NLGN4X: variants seen among roughly 807,000 people sequenced by gnomAD.
NLGN4X encodes the protein neuroligin-4, X-linked.
Under a neutral mutation model 40.3 loss-of-function variants are expected in NLGN4X, and 3 were observed. The observed-to-expected ratio is 0.07, with a 90% CI of 0.03 to 0.19. The LOEUF (loss-of-function observed/expected upper bound fraction) is 0.19, where lower values mean the gene tolerates loss of function less well. NLGN4X is among the 10% of genes least tolerant of loss of function. The pLI, the probability that NLGN4X is intolerant of heterozygous loss-of-function variation, is 1.00. For synonymous variants in NLGN4X, 270 were observed against 306.8 expected (o/e 0.88, Z 1.25); for missense variants, 382 against 708.3 (o/e 0.54, Z 5.23).
chrX:5,928,310 G>C (rs1423923059), intron 3 of NLGN4X, among the ~76,000 whole-genome samples: 1 of 111,890 alleles, frequency 8.9e-6, no homozygotes, highest in African/African-American at 3.2e-5. Flanking sequence ...ATAGTCTTTT[G>C]AACTCTGTGT....
intron 3 of NLGN4X, among the ~76,000 whole-genome samples, chrX:5,941,941 T>C (rs1476441859): frequency 8.9e-6 from 1 of 112,072 alleles, no homozygotes; most frequent in Non-Finnish European, 1.9e-5. Context: ...GGTTTCTACA[T>C]GTTGAGTCTT....
At position 5,909,127 on chromosome X, in the gene NLGN4X, C is replaced by T. The variant is rs189562983; in HGVS notation, c.738G>A (p.Lys246=). ...CCCCCGAGCCAAAGATGGTCACTCT[C>T]TTGGGGTCCCCGCCAAAGGCTCCCA... is the stretch of plus-strand genomic sequence containing the variant. ...ENVGAFGGDP[K]RVTIFGSGAG... is the part of the protein sequence containing the mutation. Residue 246 remains lysine (K), a synonymous_variant, in exon 4 of 6, where the codon AAG becomes AAA. Coordinates refer to ENST00000381095, the MANE Select transcript of NLGN4X (RefSeq NM_181332.3). 582 of 1,209,620 alleles carry T rather than the reference C, an allele frequency of 4.8e-4. 2 individuals carry two copies. The highest frequency in any genetic ancestry group is 9.2e-5 in the Non-Finnish European group (82 of 895,188).
intron 1 of NLGN4X, among the ~76,000 whole-genome samples, chrX:6,203,306 T>C (rs1321070936): frequency 2.7e-5 from 3 of 112,412 alleles, no homozygotes; most frequent in Non-Finnish European, 3.8e-5. Flanking sequence ...TTTGTCCTTA[T>C]GACAAAATTC....
At chrX:6,152,347 T>C (rs1182709362) in intron 1 of NLGN4X, among the ~76,000 whole-genome samples, 1 of 111,904 alleles carries the variant, frequency 8.9e-6, no homozygotes, top group Non-Finnish European at 1.9e-5. Context: ...TGTTCAAGAG[T>C]TATACAGGTT....
intron 3 of NLGN4X, among the ~76,000 whole-genome samples, chrX:5,921,229 C>T (rs2033030967): frequency 9.5e-6 from 1 of 105,808 alleles, no homozygotes; most frequent in Non-Finnish European, 1.9e-5. Context: ...TTCATTATCA[C>T]TGCAACAGTC....
At chrX:6,059,547 G>C (rs2037719392) in intron 2 of NLGN4X, among the ~76,000 whole-genome samples, 1 of 111,717 alleles carries the variant, frequency 9.0e-6, no homozygotes, top group Admixed American at 9.5e-5. Flanking sequence ...TCAGCAAGAC[G>C]TTGGCTCCTC....
intron 2 of NLGN4X, among the ~76,000 whole-genome samples, chrX:6,039,099 G>A (rs909648720): frequency 9.0e-6 from 1 of 110,923 alleles, no homozygotes; most frequent in Non-Finnish European, 1.9e-5. Flanking sequence ...CTCATACATA[G>A]AGAGTCTGTA....
At chrX:6,116,309 A>C (rs1464114294) in intron 2 of NLGN4X, among the ~76,000 whole-genome samples, 2 of 101,499 alleles carry the variant, frequency 2.0e-5, no homozygotes, top group African/African-American at 7.1e-5. Flanking sequence ...AAAAAAAAAA[A>C]AAAAAAAACA....
At chrX:5,962,163 T>C (rs1411261339) in intron 3 of NLGN4X, among the ~76,000 whole-genome samples, 1 of 112,398 alleles carries the variant, frequency 8.9e-6, no homozygotes, top group Non-Finnish European at 1.9e-5. Flanking sequence ...TAAAAAGATA[T>C]AAACTATTTG....
rs746634765 is a variant in NLGN4X, at chrX:6,141,712, G to A, written c.472+9283C>T. On this transcript the variant is annotated intron_variant, in intron 2 of 5. Transcript: ENST00000381095. ...TGGGCACCTATAGTCCCAGGTACTC[G>A]GCAGGCTGAGGCAGGAGAATCACTT... 1.0e-4 allele frequency among the ~76,000 whole-genome samples: 11 copies of A among 110,524 alleles called. No individual in the cohort carries two copies. In the East Asian group the frequency reaches 2.3e-3, roughly 23 times the overall value.
At chrX:6,126,033 T>C (rs1309083636) in intron 2 of NLGN4X, among the ~76,000 whole-genome samples, 6 of 110,979 alleles carry the variant, frequency 5.4e-5, no homozygotes, top group African/African-American at 9.8e-5. Flanking sequence ...CGAAATTGAA[T>C]ATATATTTAA....
chrX:6,123,751 G>GA (rs199947451), intron 2 of NLGN4X, among the ~76,000 whole-genome samples: 8,324 of 87,182 alleles, frequency 0.095, 329 homozygotes, highest in East Asian at 0.19. Flanking sequence ...CAACTATAAG[G>GA]AAAAAAAAAC....
chrX:6,186,885 T>C (rs1478548223), intron 1 of NLGN4X: 1 of 111,331 alleles, frequency 9.0e-6, no homozygotes, highest in Non-Finnish European at 1.9e-5. Flanking sequence ...ATAATTAAGC[T>C]ACCTGTATAT....
intron 1 of NLGN4X, among the ~76,000 whole-genome samples, chrX:6,163,010 G>A (rs897733712): frequency 4.5e-5 from 5 of 111,250 alleles, no homozygotes; most frequent in African/African-American, 9.8e-5. Flanking sequence ...TACTGTTCTC[G>A]TGATAGTAAG....
At chrX:5,982,910 C>T (rs1254891445) in intron 3 of NLGN4X, among the ~76,000 whole-genome samples, 4 of 111,994 alleles carry the variant, frequency 3.6e-5, no homozygotes, top group South Asian at 7.5e-4. Context: ...AACACACTGA[C>T]GACCAAATGA....
At chrX:6,217,975 A>G (rs1458703290) in intron 1 of NLGN4X, among the ~76,000 whole-genome samples, 2 of 111,857 alleles carry the variant, frequency 1.8e-5, no homozygotes, top group Non-Finnish European at 3.8e-5. Context: ...TATTTTCTAA[A>G]TGTCTTGTCT....
intron 2 of NLGN4X, among the ~76,000 whole-genome samples, chrX:6,124,880 A>G (rs968437559): frequency 8.9e-6 from 1 of 112,663 alleles, no homozygotes; most frequent in African/African-American, 3.2e-5. Flanking sequence ...GAACGTTTAC[A>G]AAATCTGCCT....
intron 1 of NLGN4X, among the ~76,000 whole-genome samples, chrX:6,215,805 T>C (rs955368712): frequency 6.3e-5 from 7 of 111,402 alleles, no homozygotes; most frequent in Non-Finnish European, 1.9e-5. Flanking sequence ...GCACTGTCCC[T>C]GGAGCCATCC....
At chrX:6,111,902 A>G (rs559550611) in intron 2 of NLGN4X, among the ~76,000 whole-genome samples, 1 of 111,997 alleles carries the variant, frequency 8.9e-6, no homozygotes. Context: ...TATTGTAAAA[A>G]TTTTTTAAAT....
Sources: gnomAD v4.1 joint callset for allele counts (sites outside exome capture counted in the v4.1 genomes callset) on GRCh38, gnomAD v4.1.1 for gene constraint, MANE v1.5 for transcripts, NCBI Gene and HGNC (gene_info 2026-07-23, HGNC 2026-07-21) for gene names.